The following SORT1 variants were observed in gnomAD, a reference collection of about 807,000 sequenced individuals.
SORT1 encodes sortilin 1, also known as sortilin.
SORT1 carries 39 observed loss-of-function variants against 101.7 expected under a neutral mutation model. The observed-to-expected ratio is 0.38, with a 90% CI of 0.30 to 0.50. The LOEUF is 0.50. Among genes scored for constraint, SORT1 ranks in the 20% least tolerant of loss-of-function variants. The pLI is 0.90. For synonymous variants in SORT1, 396 were observed against 393.7 expected (o/e 1.01, Z -0.07); for missense variants, 878 against 1,040.4 (o/e 0.84, Z 2.15).
chr1:109,395,901 C>A (rs1653155992), intron 1 of SORT1, among the ~76,000 whole-genome samples: 1 of 151,898 alleles, frequency 6.6e-6, no homozygotes, highest in Non-Finnish European at 1.5e-5. Flanking sequence ...ATGGCAAAAC[C>A]CTGTTTCTTA....
intron 1 of SORT1, among the ~76,000 whole-genome samples, chr1:109,387,973 A>G (rs559361288): frequency 1.3e-5 from 2 of 152,214 alleles, no homozygotes; most frequent in Admixed American, 6.5e-5. Flanking sequence ...AAAGAAAGAA[A>G]GGCATTTTGA....
chr1:109,337,869 A>G (rs1648939185), intron 10 of SORT1, among the ~76,000 whole-genome samples: 1 of 151,992 alleles, frequency 6.6e-6, no homozygotes, highest in Non-Finnish European at 1.5e-5. Context: ...CAAGTCATCC[A>G]CTCACTTTGG....
intron 6 of SORT1, among the ~76,000 whole-genome samples, chr1:109,349,970 T>G (rs551451923): frequency 1.3e-5 from 2 of 152,332 alleles, no homozygotes; most frequent in South Asian, 2.1e-4. Context: ...CATTAGAAGT[T>G]ACTAACACAG....
intron 10 of SORT1, among the ~76,000 whole-genome samples, chr1:109,339,307 C>T (rs966958552): frequency 6.6e-6 from 1 of 152,192 alleles, no homozygotes; most frequent in Non-Finnish European, 1.5e-5. Context: ...GAGTGCAAGG[C>T]TGTTCAGCCG....
In SORT1 at chr1:109,336,280, T is replaced by C. The variant is rs779792323; in HGVS notation, c.1331A>G (p.Glu444Gly). The part of the protein sequence containing the change: ...GGRWTHLRKP[E>G]NSECDATAKN... ...TGCTGTAGCATCACATTCACTGTTT[T>C]CAGGCTTCCTCAGGTGCGTCCACCT... The change falls in exon 11 of 20, where the codon GAA becomes GGA. Residue 444 changes from glutamate (E) to glycine (G), a missense_variant. By Grantham distance (98) the Glu-to-Gly change is moderately conservative (BLOSUM62 -2). Around this residue, in one of 2 missense-constraint regions of SORT1, gnomAD observed 684 missense variants for 894.5 expected, o/e 0.76. Coordinates refer to ENST00000256637, the MANE Select transcript of SORT1 (RefSeq NM_002959.7). The C allele has an allele frequency of 6.2e-7, 1 of 1,613,682 alleles. No individual in the cohort carries two copies. The highest frequency in any genetic ancestry group is 1.3e-5 in the African/African-American group (1 of 74,928).
chr1:109,325,231 CTTTTTTTT>C (rs35552184), intron 13 of SORT1, 142 bp from the exon 14 acceptor site: 36 of 190,572 alleles, frequency 1.9e-4, no homozygotes, highest in Middle Eastern at 1.7e-3. Flanking sequence ...ATTATTTTAA[CTTTTTTTT>C]TTTTTTTTTT....
intron 1 of SORT1, 73 bp downstream of exon 1, chr1:109,397,514 G>A: frequency 1.0e-6 from 1 of 986,602 alleles, no homozygotes; most frequent in Non-Finnish European, 1.2e-6. Context: ...GGAGTCGCGG[G>A]GCGCACGGGC....
At chr1:109,333,212 C>T (rs944983254) in intron 11 of SORT1, among the ~76,000 whole-genome samples, 3 of 152,194 alleles carry the variant, frequency 2.0e-5, no homozygotes, top group Non-Finnish European at 4.4e-5. Context: ...AGGCGTGAGC[C>T]ACCACACCTG....
chr1:109,363,757 T>A (rs930868465), intron 3 of SORT1, among the ~76,000 whole-genome samples: 1 of 152,216 alleles, frequency 6.6e-6, no homozygotes, highest in Non-Finnish European at 1.5e-5. Flanking sequence ...TAATCACCAA[T>A]GCTGTGAAAA....
chr1:109,325,211 T>C (rs1359390845), intron 13 of SORT1, 122 bp from the exon 14 acceptor site: 9 of 496,180 alleles, frequency 1.8e-5, no homozygotes, highest in Middle Eastern at 4.6e-4. Flanking sequence ...TGGTGGCTTA[T>C]TGGCTGACAA....
At chr1:109,354,180 T>C (rs184291581) in intron 5 of SORT1, among the ~76,000 whole-genome samples, 187 bp downstream of exon 5, 241 of 152,278 alleles carry the variant, frequency 1.6e-3, no homozygotes, top group Non-Finnish European at 2.8e-3. Context: ...TTACCTGGAA[T>C]AGATAGCATG....
chr1:109,316,711 T>C (rs1353676184), intron 17 of SORT1, 139 bp downstream of exon 17: 3 of 584,846 alleles, frequency 5.1e-6, no homozygotes, highest in Non-Finnish European at 9.1e-6. Context: ...GCTAACAGCT[T>C]CCTGTATAAG....
chr1:109,385,984 T>A (rs1437928700), intron 1 of SORT1, among the ~76,000 whole-genome samples: 3 of 152,218 alleles, frequency 2.0e-5, no homozygotes, highest in Admixed American at 2.0e-4. Flanking sequence ...AAGTGCCTCA[T>A]GTGTATAGGT....
intron 11 of SORT1, among the ~76,000 whole-genome samples, chr1:109,330,686 T>G (rs1423734002): frequency 6.6e-6 from 1 of 151,136 alleles, no homozygotes; most frequent in Non-Finnish European, 1.5e-5. Context: ...AAACTTAGAG[T>G]TGTTTTTTTT....
At chr1:109,336,551 T>A (rs1255293159) in intron 10 of SORT1, among the ~76,000 whole-genome samples, 1 of 152,226 alleles carries the variant, frequency 6.6e-6, no homozygotes, top group Non-Finnish European at 1.5e-5. Context: ...TTCATGCCTG[T>A]AATCCCAGCA....
At chr1:109,355,307 T>C in intron 4 of SORT1, 60 bp downstream of exon 4, 1 of 838,576 alleles carries the variant, frequency 1.2e-6, no homozygotes, top group Non-Finnish European at 2.1e-6. Flanking sequence ...AATACTAATA[T>C]CTGACAGCTC....
At chr1:109,362,340 A>G (rs1270757998) in intron 3 of SORT1, among the ~76,000 whole-genome samples, 1 of 152,220 alleles carries the variant, frequency 6.6e-6, no homozygotes, top group East Asian at 1.9e-4. Flanking sequence ...TTTACAGAAC[A>G]TAACTATCAC....
At chr1:109,381,981 T>A (rs950604634) in intron 1 of SORT1, among the ~76,000 whole-genome samples, 6 of 151,728 alleles carry the variant, frequency 4.0e-5, no homozygotes, top group Admixed American at 3.9e-4. Context: ...TTTTCTAGAG[T>A]GCATAAATTA....
chr1:109,365,220 T>A (rs1650998845), intron 3 of SORT1, among the ~76,000 whole-genome samples: 1 of 152,166 alleles, frequency 6.6e-6, no homozygotes, highest in South Asian at 2.1e-4. Flanking sequence ...AAAACTATCA[T>A]GAGGAGATAT....
Sources: allele counts gnomAD v4.1 joint callset (sites outside exome capture counted in the v4.1 genomes callset), GRCh38; gene constraint gnomAD v4.1.1; regional missense constraint gnomAD v4.1.1; transcripts MANE v1.5; gene names NCBI Gene and HGNC (gene_info 2026-07-23, HGNC 2026-07-21).